Variants in DPP10 observed in about 807,000 individuals in gnomAD.
DPP10 encodes the protein dipeptidyl peptidase like 10.
In DPP10, 33 loss-of-function variants were observed where a neutral mutation model predicts 120.9. That is an observed-to-expected ratio of 0.27 (90% CI 0.21 to 0.37). DPP10 has a LOEUF of 0.37. Among genes scored for constraint, DPP10 ranks in the 10% least tolerant of loss-of-function variants. The pLI is 1.00. For synonymous variants in DPP10, 337 were observed against 326.1 expected, an observed-to-expected ratio of 1.03 and a Z score of -0.36; for missense variants, 816 against 942.8, an observed-to-expected ratio of 0.87 and a Z score of 1.76.
chr2:115,732,363 A>G (rs2149660755), intron 8 of DPP10, among the ~76,000 whole-genome samples: 1 of 152,284 alleles, frequency 6.6e-6, no homozygotes, highest in East Asian at 1.9e-4. Flanking sequence ...GTCACTAAAT[A>G]GAGTCCTTAA....
At chr2:114,777,954 A>G (rs1681909816) in intron 1 of DPP10, among the ~76,000 whole-genome samples, 1 of 152,118 alleles carries the variant, frequency 6.6e-6, no homozygotes, top group Admixed American at 6.6e-5. Flanking sequence ...CTTTAGGGTC[A>G]ATAATCTGAA....
intron 1 of DPP10, among the ~76,000 whole-genome samples, chr2:114,856,960 C>A (rs1236198325): frequency 6.6e-6 from 1 of 151,904 alleles, no homozygotes; most frequent in East Asian, 1.9e-4. Flanking sequence ...TTAGTAAATT[C>A]TTATAATAAT....
intron 1 of DPP10, among the ~76,000 whole-genome samples, chr2:114,647,358 CT>C (rs1333795414): frequency 2.0e-5 from 3 of 152,120 alleles, no homozygotes; most frequent in African/African-American, 7.2e-5. Context: ...ATAAGCACAT[CT>C]TTATACTCTT....
rs1297645887 is a variant in DPP10, at chr2:115,253,971, T to G, written c.61-55268T>G. On this transcript the variant is annotated intron_variant, in intron 1 of 25. Coordinates refer to ENST00000410059, the MANE Select transcript of DPP10 (RefSeq NM_020868.6). ...AAGGGCTCTGCCCCTGAAGCAGGCT[T>G]CTGCCTGGGCGGCCAGGCTTTTCTA... 2.0e-5 allele frequency among the ~76,000 whole-genome samples: 3 copies of G among 152,274 alleles called. No individual in the cohort carries two copies. In the East Asian group the frequency reaches 5.8e-4, roughly 29 times the overall value.
In DPP10 at chr2:115,108,512, T is replaced by C. The variant is rs1263030156; in HGVS notation, c.61-200727T>C. On this transcript the variant is annotated intron_variant, in intron 1 of 25. Coordinates refer to ENST00000410059, the MANE Select transcript of DPP10 (RefSeq NM_020868.6). ...TCTCAGTTAAATGCAGGTAAGCAAT[T>C]TGAATTACTGTATTAAACAATGTAC... 2.0e-5 allele frequency among the ~76,000 whole-genome samples: 3 copies of C among 152,232 alleles called. No homozygotes were observed. The East Asian group carries it at 5.8e-4, about 29-fold the overall frequency.
intron 1 of DPP10, among the ~76,000 whole-genome samples, chr2:115,082,954 A>T (rs1708395616): frequency 6.6e-6 from 1 of 152,242 alleles, no homozygotes; most frequent in South Asian, 2.1e-4. Flanking sequence ...TCTTAAAATT[A>T]AATCTCTCTC....
intron 5 of DPP10, among the ~76,000 whole-genome samples, chr2:115,643,161 G>A (rs1354159403): frequency 1.3e-5 from 2 of 152,016 alleles, no homozygotes; most frequent in African/African-American, 4.8e-5. Flanking sequence ...AAGAGCAACT[G>A]TGACAGCATT....
intron 1 of DPP10, among the ~76,000 whole-genome samples, chr2:115,101,152 G>T (rs1173555937): frequency 6.6e-6 from 1 of 152,174 alleles, no homozygotes; most frequent in Non-Finnish European, 1.5e-5. Flanking sequence ...ATGACATGGA[G>T]TCTGGGCTAC....
chr2:115,637,909 C>T (rs577542396), intron 5 of DPP10, among the ~76,000 whole-genome samples: 6 of 152,248 alleles, frequency 3.9e-5, no homozygotes, highest in South Asian at 2.1e-4. Flanking sequence ...ACTGGTATAA[C>T]TCAAATATAA....
intron 1 of DPP10, among the ~76,000 whole-genome samples, chr2:115,210,861 G>A (rs1179501728): frequency 6.6e-6 from 1 of 151,678 alleles, no homozygotes; most frequent in African/African-American, 2.4e-5. Flanking sequence ...CTTTTTGATG[G>A]GGTTGTTTTT....
intron 5 of DPP10, among the ~76,000 whole-genome samples, chr2:115,630,108 A>G (rs189592804): frequency 6.6e-6 from 1 of 152,256 alleles, no homozygotes; most frequent in East Asian, 1.9e-4. Flanking sequence ...TTTTCCTTGA[A>G]GAGGTCCTTC....
At chr2:114,596,539 A>G (rs1691922939) in intron 1 of DPP10, among the ~76,000 whole-genome samples, 1 of 152,104 alleles carries the variant, frequency 6.6e-6, no homozygotes, top group Non-Finnish European at 1.5e-5. Context: ...ACCCATGAGT[A>G]TATAATGCAT....
At chr2:115,414,634 T>G (rs2069225961) in intron 3 of DPP10, among the ~76,000 whole-genome samples, 1 of 152,204 alleles carries the variant, frequency 6.6e-6, no homozygotes, top group Admixed American at 6.6e-5. Flanking sequence ...GTGATATGTA[T>G]GTACCATCAA....
chr2:114,572,304 G>T (rs547873084), intron 1 of DPP10, among the ~76,000 whole-genome samples: 1 of 152,154 alleles, frequency 6.6e-6, no homozygotes, highest in Admixed American at 6.5e-5. Flanking sequence ...TTACCTAGAT[G>T]AGTATGAAAA....
chr2:115,318,795 GCTTTAGTAGCTTA>G (rs2061921670), intron 2 of DPP10, among the ~76,000 whole-genome samples: 1 of 152,002 alleles, frequency 6.6e-6, no homozygotes, highest in Non-Finnish European at 1.5e-5. Flanking sequence ...TCATCTATTA[GCTTTAGTAGCTTA>G]TTGTAGATTA....
At chr2:115,502,349 A>G (rs1011606394) in intron 4 of DPP10, among the ~76,000 whole-genome samples, 1 of 152,156 alleles carries the variant, frequency 6.6e-6, no homozygotes, top group Non-Finnish European at 1.5e-5. Context: ...TAATGAAAGG[A>G]GGAAATTAAA....
chr2:114,591,093 G>A (rs778268171), intron 1 of DPP10, among the ~76,000 whole-genome samples: 11 of 152,198 alleles, frequency 7.2e-5, no homozygotes, highest in Non-Finnish European at 1.3e-4. Flanking sequence ...GACATCCCAT[G>A]CAGAGCAGGG....
At chr2:114,557,745 C>G (rs181338403) in intron 1 of DPP10, among the ~76,000 whole-genome samples, 26 of 152,164 alleles carry the variant, frequency 1.7e-4, no homozygotes, top group African/African-American at 6.3e-4. Flanking sequence ...TGGCTCGGCT[C>G]GCGACTAGCT....
intron 21 of DPP10, among the ~76,000 whole-genome samples, chr2:115,827,442 A>ATATG (rs1355949570): frequency 7.0e-6 from 1 of 143,734 alleles, no homozygotes; most frequent in African/African-American, 2.6e-5. Flanking sequence ...ATATATATAT[A>ATATG]TATATGCTCT....
Sources: allele counts gnomAD v4.1 joint callset (sites outside exome capture counted in the v4.1 genomes callset), GRCh38; gene constraint gnomAD v4.1.1; transcripts MANE v1.5; gene names NCBI Gene and HGNC (gene_info 2026-07-23, HGNC 2026-07-21).